The following PLCH2 variants were observed in gnomAD, a reference collection of about 807,000 sequenced individuals.
PLCH2 encodes the protein 1-phosphatidylinositol 4,5-bisphosphate phosphodiesterase eta-2.
In PLCH2, 98 loss-of-function variants were observed where a neutral mutation model predicts 134.7. That is an observed-to-expected ratio of 0.73 (90% confidence interval 0.62 to 0.86). The LOEUF is 0.86. Ranked by LOEUF, PLCH2 falls within the 40% of genes least tolerant of loss-of-function variation. The pLI, the probability that PLCH2 is intolerant of heterozygous loss-of-function variation, is 0.00. For synonymous variants in PLCH2, 974 were observed against 827.5 expected, an observed-to-expected ratio of 1.18 and a Z score of -3.04; for missense variants, 1,994 against 1,986.6, an observed-to-expected ratio of 1.00 and a Z score of -0.07.
chr1:2,449,792 C>T (rs890799934), intron 2 of PLCH2, among the ~76,000 whole-genome samples: 8 of 152,226 alleles, frequency 5.3e-5, no homozygotes, highest in African/African-American at 1.9e-4. Context: ...TGCCTGTAAG[C>T]TCTGCCTAGC....
chr1:2,486,858 C>T, intron 5 of PLCH2, 49 bp from the exon 6 acceptor site: 1 of 1,461,408 alleles, frequency 6.8e-7, no homozygotes, highest in Non-Finnish European at 9.4e-7. Context: ...CTGAGGCTAT[C>T]CCAGGCCAGG....
chr1:2,456,843 C>T (rs139927551), intron 2 of PLCH2, among the ~76,000 whole-genome samples: 122 of 152,238 alleles, frequency 8.0e-4, no homozygotes, highest in Non-Finnish European at 1.1e-3. Context: ...CGGAGGGGCC[C>T]GTGCTGGGTC....
At chr1:2,486,837 G>C in intron 5 of PLCH2, 70 bp from the exon 6 acceptor site, 2 of 1,192,032 alleles carry the variant, frequency 1.7e-6, no homozygotes, top group Non-Finnish European at 2.4e-6. Flanking sequence ...CAGTGGTGAT[G>C]GGGGAGCTGC....
At chr1:2,480,988 C>A (rs1429296323) in intron 4 of PLCH2, among the ~76,000 whole-genome samples, 7 of 152,244 alleles carry the variant, frequency 4.6e-5, no homozygotes, top group Non-Finnish European at 7.3e-5. Context: ...GTGCCAGGCC[C>A]TGGGGTCTCT....
intron 1 of PLCH2, among the ~76,000 whole-genome samples, chr1:2,471,045 G>C (rs1641299437): frequency 1.3e-5 from 2 of 148,690 alleles, no homozygotes; most frequent in Admixed American, 6.6e-5. Flanking sequence ...ACACACAATG[G>C]GGGGGGCACT....
chr1:2,459,474 T>TGGTGGTCCTCCTTGCC (rs1640680958), intron 2 of PLCH2, among the ~76,000 whole-genome samples: 2 of 31,992 alleles, frequency 6.3e-5, no homozygotes, highest in African/African-American at 1.5e-4. Flanking sequence ...TTCTCCTTCC[T>TGGTGGTCCTCCTTGCC]GGTGGTCCTC....
In PLCH2 at chr1:2,439,743, C is replaced by T. The variant is rs560999322; in HGVS notation, c.115+9114C>T. On this transcript the variant is annotated intron_variant, in intron 2 of 3. Coordinates refer to the PLCH2 transcript ENST00000609981. This position sits in a 1 kb window ranked among gnomAD's most constrained non-coding sequence, Gnocchi z 4.7. ...CACTGCCACCCTCGGGGGAGAGTCC[C>T]GGGGTCCGTGGGGAGAGCCCGTCAG... Among the ~76,000 whole-genome samples the T allele has an allele frequency of 5.3e-5, 8 of 152,192 alleles. No homozygotes were observed. Among genetic ancestry groups the T allele is most frequent in the African/African-American group, 7.2e-5 (3 of 41,542 alleles).
chr1:2,440,790 G>A (rs890149995), intron 2 of PLCH2, among the ~76,000 whole-genome samples: 3 of 152,234 alleles, frequency 2.0e-5, no homozygotes, highest in African/African-American at 2.4e-5. Flanking sequence ...TTTGCGTTTC[G>A]GTTTTGGCTT....
At chr1:2,495,155 C>T (rs1271201799) in intron 12 of PLCH2, among the ~76,000 whole-genome samples, 1 of 152,180 alleles carries the variant, frequency 6.6e-6, no homozygotes, top group Admixed American at 6.5e-5. Flanking sequence ...TGAGTCAGGC[C>T]GAGCTATCGG....
chr1:2,476,819 T>C (rs956020410), intron 1 of PLCH2, 107 bp downstream of exon 1: 1 of 1,193,296 alleles, frequency 8.4e-7, no homozygotes. Context: ...CTCCATCCCA[T>C]CCTGCACTCG....
chr1:2,477,478 G>C (rs570956411), intron 1 of PLCH2, among the ~76,000 whole-genome samples: 2 of 152,214 alleles, frequency 1.3e-5, no homozygotes, highest in African/African-American at 4.8e-5. Flanking sequence ...GTCCCTCAGC[G>C]TGCAGACCTG....
intron 1 of PLCH2, among the ~76,000 whole-genome samples, chr1:2,429,003 C>A (rs115158477): frequency 0.029 from 4,342 of 152,154 alleles, 185 homozygotes; most frequent in African/African-American, 0.098. Flanking sequence ...GCCAGGGCTG[C>A]CAGAGGTGCC....
chr1:2,439,860 G>A lies in PLCH2; in HGVS notation c.115+9231G>A, dbSNP rs146159878. Among the ~76,000 whole-genome samples, 22 of 152,210 alleles carry A rather than the reference G, an allele frequency of 1.4e-4. No individual in the cohort carries two copies. Among genetic ancestry groups the A allele is most frequent in the African/African-American group, 5.1e-4 (21 of 41,542 alleles). ...TGGAGTGTTCGAGGGCAGCGGGCAC[G>A]CGGCTCCCTGCCTGCAGGGACCTCA... On this transcript the variant is annotated intron_variant, in intron 2 of 3. Coordinates refer to the PLCH2 transcript ENST00000609981. The surrounding 1 kb of genome is among the most constrained non-coding windows in gnomAD (Gnocchi z 4.7).
At chr1:2,476,054 T>G (rs575680240), upstream of PLCH2, among the ~76,000 whole-genome samples, 1 of 152,298 alleles carries the variant, frequency 6.6e-6, no homozygotes, top group East Asian at 1.9e-4. Flanking sequence ...CGGAGGACAG[T>G]ACCCTGCAGG....
At chr1:2,485,171 T>A (rs945887130) in intron 5 of PLCH2, among the ~76,000 whole-genome samples, 4 of 152,258 alleles carry the variant, frequency 2.6e-5, no homozygotes, top group African/African-American at 7.2e-5. Flanking sequence ...CAGCCCTTTA[T>A]CTAGACCCCA....
chr1:2,479,821 G>A lies in PLCH2; in HGVS notation c.359G>A (p.Cys120Tyr), dbSNP rs1403367310. Reference protein sequence around the residue: ...RYPDGSFDPNCCFSIYHGSHR... With the variant: ...RYPDGSFDPNYCFSIYHGSHR... Reference sequence around the variant, plus strand: ...CCTGACGGCAGCTTCGACCCCAACTGCTGCTTCAGCATCTACCACGGCAGC... The same window carrying A: ...CCTGACGGCAGCTTCGACCCCAACTACTGCTTCAGCATCTACCACGGCAGC... The change falls in exon 3 of 22, where the codon TGC becomes TAC. Residue 120 changes from cysteine to tyrosine, a missense_variant. By Grantham distance (194) the Cys-to-Tyr change is radical. Transcript: ENST00000378486. The A allele has an allele frequency of 6.2e-7, 1 of 1,604,910 alleles. No individual in the cohort carries two copies.
At chr1:2,438,680 C>T (rs534275168) in intron 2 of PLCH2, among the ~76,000 whole-genome samples, 16 of 152,246 alleles carry the variant, frequency 1.1e-4, no homozygotes, top group South Asian at 8.3e-4. Flanking sequence ...TTCTTGCCCC[C>T]GCCTCCCAAC....
intron 2 of PLCH2, among the ~76,000 whole-genome samples, chr1:2,435,727 G>C (rs1484752257): frequency 1.3e-5 from 2 of 152,044 alleles, no homozygotes; most frequent in African/African-American, 4.8e-5. Context: ...GTGGAGTACA[G>C]CCAGGGTGGA....
At chr1:2,430,991 A>G (rs1389308004) in intron 2 of PLCH2, among the ~76,000 whole-genome samples, 1 of 152,140 alleles carries the variant, frequency 6.6e-6, no homozygotes, top group East Asian at 1.9e-4. Flanking sequence ...TCGTGTTGTC[A>G]CTGTCAGAAG....
Sources: gnomAD v4.1 joint callset for allele counts (sites outside exome capture counted in the v4.1 genomes callset) on GRCh38, gnomAD v4.1.1 for gene constraint, Gnocchi (gnomAD v3.1) non-coding constraint, MANE v1.5 for transcripts, NCBI Gene and HGNC (gene_info 2026-07-23, HGNC 2026-07-21) for gene names.